SGCZ: variants seen among roughly 807,000 people sequenced by gnomAD.
SGCZ encodes the protein zeta-sarcoglycan.
In SGCZ, 40 loss-of-function variants were observed where a neutral mutation model predicts 41.3. The ratio of observed to expected loss-of-function variants is 0.97; its 90% CI spans 0.75 to 1.26. SGCZ has a LOEUF of 1.26. SGCZ is among the 50% of genes most tolerant of loss of function. SGCZ has a pLI of 0.00. For synonymous variants in SGCZ, 206 were observed against 137.5 expected, an observed-to-expected ratio of 1.50 and a Z score of -3.49; for missense variants, 552 against 369.8, an observed-to-expected ratio of 1.49 and a Z score of -4.04.
chr8:14,417,030 G>C (rs1048812682), intron 2 of SGCZ, among the ~76,000 whole-genome samples: 1 of 151,772 alleles, frequency 6.6e-6, no homozygotes, highest in Admixed American at 6.6e-5. Context: ...CCAGGATCAA[G>C]CAGGCTCTTT....
At position 14,189,442 on chromosome 8, in the gene SGCZ, A is replaced by G. The variant is rs531324151; in HGVS notation, c.425-24740T>C. Among the ~76,000 whole-genome samples, 4 of 152,120 alleles carry G rather than the reference A, an allele frequency of 2.6e-5. No homozygotes were observed. The East Asian group carries it at 5.8e-4, about 22-fold the overall frequency. On this transcript the variant is annotated intron_variant, in intron 4 of 7. Transcript: ENST00000382080. Reference sequence around the variant, plus strand: ...TGCTTCTCTTTCAGTACTCATCTCAATCTCTGCTTTATTCCCAATAATCCT... The same window carrying G: ...TGCTTCTCTTTCAGTACTCATCTCAGTCTCTGCTTTATTCCCAATAATCCT...
intron 1 of SGCZ, among the ~76,000 whole-genome samples, chr8:15,020,407 T>C (rs1014472716): frequency 6.6e-6 from 1 of 152,056 alleles, no homozygotes; most frequent in Non-Finnish European, 1.5e-5. Context: ...ACTGCCTCAA[T>C]TGCCACCTCA....
rs73522873 is a variant in SGCZ at position 15,075,196 on chromosome 8, G to A, written c.39+162389C>T. Among the ~76,000 whole-genome samples the A allele has an allele frequency of 7.4e-3, 1,098 of 148,830 alleles. 9 individuals carry two copies. The highest frequency in any genetic ancestry group is 0.026 in the African/African-American group (1,033 of 40,122). On this transcript the variant is annotated intron_variant, in intron 1 of 7. Coordinates refer to ENST00000382080, the MANE Select transcript of SGCZ (RefSeq NM_139167.4). ...CAAAAGTATCTTGTTATTTGTTTTG[G>A]AATACAATTAGTTTATGTAGTAGTC... is the stretch of plus-strand genomic sequence containing the variant.
chr8:14,393,162 T>C (rs1470146786), intron 2 of SGCZ, among the ~76,000 whole-genome samples: 1 of 152,146 alleles, frequency 6.6e-6, no homozygotes, highest in Non-Finnish European at 1.5e-5. Flanking sequence ...AAGGATAAAG[T>C]AGTGCGATAT....
At chr8:14,339,395 G>A (rs996109693) in intron 2 of SGCZ, among the ~76,000 whole-genome samples, 1 of 152,152 alleles carries the variant, frequency 6.6e-6, no homozygotes, top group Non-Finnish European at 1.5e-5. Flanking sequence ...CAGAAACATT[G>A]ACAAAACTCT....
At chr8:14,572,805 A>C (rs1172953696) in intron 1 of SGCZ, among the ~76,000 whole-genome samples, 3 of 152,200 alleles carry the variant, frequency 2.0e-5, no homozygotes, top group Non-Finnish European at 4.4e-5. Context: ...TAACACACTC[A>C]AAGTCCCACA....
intron 2 of SGCZ, among the ~76,000 whole-genome samples, chr8:14,375,019 A>G (rs566529756): frequency 6.6e-6 from 1 of 152,252 alleles, no homozygotes; most frequent in East Asian, 1.9e-4. Flanking sequence ...GACTATGTGG[A>G]TGAAGCACTG....
chr8:14,644,568 G>C (rs930907795), intron 1 of SGCZ, among the ~76,000 whole-genome samples: 2 of 151,570 alleles, frequency 1.3e-5, no homozygotes, highest in Non-Finnish European at 2.9e-5. Context: ...TGTATCTCTG[G>C]AGATCCTGAT....
chr8:15,186,226 C>A (rs1186281849), intron 1 of SGCZ, among the ~76,000 whole-genome samples: 1 of 130,174 alleles, frequency 7.7e-6, no homozygotes, highest in Non-Finnish European at 1.5e-5. Flanking sequence ...CGTGCCACTG[C>A]ACTCCAGCCT....
chr8:14,990,023 G>A (rs1212595727), intron 1 of SGCZ, among the ~76,000 whole-genome samples: 1 of 152,120 alleles, frequency 6.6e-6, no homozygotes, highest in African/African-American at 2.4e-5. Flanking sequence ...CATTTTAATT[G>A]TAAGCACTTT....
intron 1 of SGCZ, among the ~76,000 whole-genome samples, chr8:14,678,003 T>A (rs1273209328): frequency 6.6e-6 from 1 of 152,066 alleles, no homozygotes; most frequent in Non-Finnish European, 1.5e-5. Context: ...ACAAAACAAT[T>A]AATTTAGACA....
intron 1 of SGCZ, among the ~76,000 whole-genome samples, chr8:14,931,738 T>C (rs1799927608): frequency 6.6e-6 from 1 of 152,102 alleles, no homozygotes. Context: ...TTAAAGCCTT[T>C]AGAAGTCATT....
At chr8:15,001,603 C>A (rs543768633) in intron 1 of SGCZ, among the ~76,000 whole-genome samples, 4 of 151,876 alleles carry the variant, frequency 2.6e-5, no homozygotes, top group Middle Eastern at 3.4e-3. Context: ...TTGGTGGGCA[C>A]CTGTAATTCC....
At chr8:15,207,836 A>G (rs929219609) in intron 1 of SGCZ, among the ~76,000 whole-genome samples, 6 of 152,198 alleles carry the variant, frequency 3.9e-5, no homozygotes, top group Admixed American at 2.0e-4. Flanking sequence ...AATAAGCTCA[A>G]AAGGAAGTTT....
intron 4 of SGCZ, among the ~76,000 whole-genome samples, chr8:14,217,196 T>C (rs1260448166): frequency 6.8e-6 from 1 of 146,642 alleles, no homozygotes; most frequent in African/African-American, 2.5e-5. Context: ...TTTGGGAGGC[T>C]GAGGCAGGAG....
At chr8:14,228,507 CTT>C (rs980039509) in intron 4 of SGCZ, among the ~76,000 whole-genome samples, 2 of 152,002 alleles carry the variant, frequency 1.3e-5, no homozygotes, top group Non-Finnish European at 2.9e-5. Context: ...TTTGAATAAA[CTT>C]ATATAATTAT....
At chr8:14,870,970 G>T (rs1804127395) in intron 1 of SGCZ, among the ~76,000 whole-genome samples, 2 of 152,106 alleles carry the variant, frequency 1.3e-5, no homozygotes, top group African/African-American at 2.4e-5. Context: ...CACTTTGGGA[G>T]GCCGAGGCAG....
At chr8:14,110,513 T>C (rs1802339798) in intron 5 of SGCZ, among the ~76,000 whole-genome samples, 1 of 152,162 alleles carries the variant, frequency 6.6e-6, no homozygotes. Flanking sequence ...AAAATAATCA[T>C]TTTTAAAGGA....
intron 1 of SGCZ, among the ~76,000 whole-genome samples, chr8:14,784,927 T>G: frequency 1.3e-5 from 1 of 76,746 alleles, no homozygotes; most frequent in African/African-American, 4.4e-5. Flanking sequence ...TATATATATA[T>G]ATATATAAAA....
Sources: gnomAD v4.1 joint callset for allele counts (sites outside exome capture counted in the v4.1 genomes callset) on GRCh38, gnomAD v4.1.1 for gene constraint, MANE v1.5 for transcripts, NCBI Gene and HGNC (gene_info 2026-07-23, HGNC 2026-07-21) for gene names.